The following ACAD11 variants were observed in gnomAD, a reference collection of about 807,000 sequenced individuals.
ACAD11 encodes acyl-CoA dehydrogenase family member 11.
Under a neutral mutation model 102.2 loss-of-function variants are expected in ACAD11, and 83 were observed. The ratio of observed to expected loss-of-function variants is 0.81; its 90% CI spans 0.68 to 0.97. ACAD11 has a LOEUF of 0.97. ACAD11 is among the 50% of genes least tolerant of loss of function. The probability of loss-of-function intolerance (pLI) is 0.00; values close to 1 mark genes in which losing one functional copy is unlikely to be tolerated. For missense variants in ACAD11, 901 were observed against 951.7 expected, an observed-to-expected ratio of 0.95 and a Z score of 0.70; for synonymous variants, 324 against 319.8, an observed-to-expected ratio of 1.01 and a Z score of -0.14.
chr3:132,570,202 A>G lies in ACAD11; in HGVS notation c.2001+5570T>C, dbSNP rs150846155. On this transcript the variant is annotated intron_variant, in intron 17 of 19. Transcript: ENST00000264990. ...GCAAGCAAACATTCAGAATTCTGCAATGAAACCCAGGAGGCATACAAAACG... is the reference window on the plus strand; with the variant it reads ...GCAAGCAAACATTCAGAATTCTGCAGTGAAACCCAGGAGGCATACAAAACG... Among the ~76,000 whole-genome samples the G allele has an allele frequency of 7.3e-4, 111 of 152,312 alleles. 1 individual carries two copies. Among genetic ancestry groups the G allele is most frequent in the African/African-American group, 2.1e-3 (87 of 41,578 alleles).
chr3:132,619,467 C>A lies in ACAD11; in HGVS notation c.1275+1G>T. On this transcript the variant is annotated splice_donor_variant, in intron 10 of 19. Transcript: ENST00000264990. LOFTEE classifies it high-confidence loss of function. ...TTTTCTAGCGTTAAAGATTTTCTTA[C>A]CTTGAGTTTATCAATCACTAAAGGT... The A allele has an allele frequency of 6.4e-7, 1 of 1,572,594 alleles. No homozygotes were observed. Among genetic ancestry groups the A allele is most frequent in the Non-Finnish European group, 8.6e-7 (1 of 1,162,996 alleles).
intron 1 of ACAD11, chr3:132,648,827 G>C (rs1310851197): frequency 6.6e-6 from 1 of 152,152 alleles, no homozygotes; most frequent in East Asian, 1.9e-4. Context: ...GACTGTTACT[G>C]TGTCTATGTA....
intron 15 of ACAD11, 170 bp downstream of exon 15, chr3:132,578,626 T>G (rs1199656050): frequency 5.2e-6 from 2 of 382,454 alleles, no homozygotes; most frequent in Admixed American, 4.4e-5. Context: ...ACTATTTCTT[T>G]TTATTGGCTC....
intron 11 of ACAD11, chr3:132,618,122 T>C (rs1939478548): frequency 6.6e-6 from 1 of 152,246 alleles, no homozygotes. Context: ...ATTATAATTA[T>C]TATTTATTTT....
chr3:132,642,593 TTTA>T, intron 3 of ACAD11, 81 bp downstream of exon 3: 1 of 1,359,968 alleles, frequency 7.4e-7, no homozygotes, highest in South Asian at 1.4e-5. Context: ...AACTATATCA[TTTA>T]TTAAGTATCA....
chr3:132,635,141 G>T (rs1183606492), intron 5 of ACAD11, among the ~76,000 whole-genome samples: 1 of 150,880 alleles, frequency 6.6e-6, no homozygotes, highest in Non-Finnish European at 1.5e-5. Flanking sequence ...AGTTGAAAAG[G>T]TATTGCACCA....
chr3:132,619,135 G>C (rs1047645229), intron 10 of ACAD11, among the ~76,000 whole-genome samples: 1 of 152,100 alleles, frequency 6.6e-6, no homozygotes. Flanking sequence ...TTGATGTTAA[G>C]ATTTGAAAAA....
chr3:132,632,222 TA>T (rs1052775680), intron 5 of ACAD11, among the ~76,000 whole-genome samples: 1 of 152,122 alleles, frequency 6.6e-6, no homozygotes, highest in Non-Finnish European at 1.5e-5. Flanking sequence ...TAGCTGGGAC[TA>T]CAGGTGCTCG....
chr3:132,592,869 T>C (rs554425504), intron 13 of ACAD11, among the ~76,000 whole-genome samples: 1 of 152,064 alleles, frequency 6.6e-6, no homozygotes, highest in African/African-American at 2.4e-5. Flanking sequence ...TCTCTTAGAG[T>C]GTGTGTTATT....
chr3:132,591,315 A>G (rs1255158312), intron 13 of ACAD11, among the ~76,000 whole-genome samples: 1 of 152,152 alleles, frequency 6.6e-6, no homozygotes, highest in African/African-American at 2.4e-5. Context: ...AGATGGTCAT[A>G]GGTGAGCAGC....
Position 132,626,671 on chromosome 3 carries a change from T to A in ACAD11, c.1197+20A>T, listed in dbSNP as rs753623808. Reference sequence around the variant, plus strand: ...TGATAGTCCTTTAGCAGAAATACATTCTGCTTATATAATACTCACCTTTTC... The same window carrying A: ...TGATAGTCCTTTAGCAGAAATACATACTGCTTATATAATACTCACCTTTTC... On this transcript the variant is annotated intron_variant, in intron 9 of 19. Coordinates refer to ENST00000264990, the MANE Select transcript of ACAD11 (RefSeq NM_032169.5). 2 of 1,611,966 alleles carry A rather than the reference T, an allele frequency of 1.2e-6. No homozygotes were observed. The highest frequency in any genetic ancestry group is 2.2e-5 in the East Asian group (1 of 44,802).
At chr3:132,629,403 A>G (rs1453057060) in intron 7 of ACAD11, among the ~76,000 whole-genome samples, 2 of 152,128 alleles carry the variant, frequency 1.3e-5, no homozygotes, top group African/African-American at 4.8e-5. Context: ...CAGGTGATCC[A>G]CCCACCTCGG....
chr3:132,605,795 T>A (rs1328942350), intron 11 of ACAD11, among the ~76,000 whole-genome samples: 1 of 152,242 alleles, frequency 6.6e-6, no homozygotes. Context: ...CCTCTGAACT[T>A]ACATAACAAT....
Position 132,644,913 on chromosome 3 carries a change from A to T in ACAD11, c.150-17T>A. Reference sequence around the variant, plus strand: ...TTTCCTGCTCTAGATAAAAGTAAAAAAAAAAAAGGTCAATTACAAAGATAT... The same window carrying T: ...TTTCCTGCTCTAGATAAAAGTAAAATAAAAAAAGGTCAATTACAAAGATAT... On this transcript the variant is annotated splice_polypyrimidine_tract_variant and intron_variant, in intron 1 of 19. Transcript: ENST00000264990. 1 of 1,482,678 alleles carries T rather than the reference A, an allele frequency of 6.7e-7. No homozygotes were observed. The highest frequency in any genetic ancestry group is 1.4e-5 in the African/African-American group (1 of 70,978). The allele number at this position is 1,482,678 out of a possible 1,614,324, so 91.8% of individuals were successfully genotyped here. A position where few individuals can be genotyped will look rare whatever the true frequency, so the allele number is the denominator to read the frequency against.
intron 11 of ACAD11, among the ~76,000 whole-genome samples, chr3:132,611,413 A>G (rs1200658360): frequency 1.3e-5 from 2 of 152,128 alleles, no homozygotes; most frequent in South Asian, 2.1e-4. Context: ...GCATTCAATT[A>G]GGAAAAGAGG....
At chr3:132,646,872 T>C (rs1940736885) in intron 1 of ACAD11, among the ~76,000 whole-genome samples, 1 of 152,170 alleles carries the variant, frequency 6.6e-6, no homozygotes, top group African/African-American at 2.4e-5. Context: ...ATTCCATGTC[T>C]ATGAAATGTC....
In ACAD11 at chr3:132,558,294, C is replaced by T. The variant is rs1936941234; in HGVS notation, c.*677G>A. 1 of 152,080 alleles carries T rather than the reference C, an allele frequency of 6.6e-6. No homozygotes were observed. Among genetic ancestry groups the T allele is most frequent in the Non-Finnish European group, 1.5e-5 (1 of 68,020 alleles). The allele number at this position is 152,080 out of a possible 1,614,324, so 9.4% of individuals were successfully genotyped here. The stretch of plus-strand genomic sequence containing the variant: ...TTTTACAGATTTCAAGGTGCTTCTA[C>T]GTGGCTTCAGCAATTCTCACAACAA... On this transcript the variant is annotated 3_prime_UTR_variant, in exon 20 of 20. Transcript: ENST00000264990.
At chr3:132,597,924 C>A (rs551817690) in intron 13 of ACAD11, among the ~76,000 whole-genome samples, 1 of 152,162 alleles carries the variant, frequency 6.6e-6, no homozygotes, top group East Asian at 1.9e-4. Context: ...TTTTAAGTAA[C>A]TTTAATGATA....
intron 1 of ACAD11, among the ~76,000 whole-genome samples, chr3:132,656,362 T>A (rs1576630276): frequency 6.6e-6 from 1 of 152,308 alleles, no homozygotes; most frequent in South Asian, 2.1e-4. Context: ...AACTGCTAGG[T>A]CATAGGTCAT....
Sources: allele counts gnomAD v4.1 joint callset (sites outside exome capture counted in the v4.1 genomes callset), GRCh38; gene constraint gnomAD v4.1.1; transcripts MANE v1.5; gene names NCBI Gene and HGNC (gene_info 2026-07-23, HGNC 2026-07-21).